The following NKAIN3 variants were observed in gnomAD, a reference collection of about 807,000 sequenced individuals.
NKAIN3 encodes sodium/potassium-transporting ATPase subunit beta-1-interacting protein 3.
In NKAIN3, 25 loss-of-function variants were observed where a neutral mutation model predicts 30.2. The observed-to-expected ratio is 0.83, with a 90% CI of 0.60 to 1.16. The LOEUF is 1.16. NKAIN3 is among the 50% of genes most tolerant of loss of function. The pLI is 0.00. For synonymous variants in NKAIN3, 91 were observed against 89.6 expected (o/e 1.02, Z -0.09); for missense variants, 225 against 254.1 (o/e 0.89, Z 0.78).
chr8:62,798,697 T>A (rs1237386232), intron 4 of NKAIN3, among the ~76,000 whole-genome samples: 1 of 152,232 alleles, frequency 6.6e-6, no homozygotes, highest in Non-Finnish European at 1.5e-5. Flanking sequence ...GATCTCAGAC[T>A]TCTGGCTTGC....
chr8:62,835,820 C>G (rs1819343496), intron 4 of NKAIN3, among the ~76,000 whole-genome samples: 2 of 152,062 alleles, frequency 1.3e-5, no homozygotes, highest in South Asian at 4.1e-4. Context: ...TTTGACCCAG[C>G]AATCCCATTA....
At chr8:62,955,778 A>G (rs554593721) in intron 6 of NKAIN3, among the ~76,000 whole-genome samples, 1 of 152,322 alleles carries the variant, frequency 6.6e-6, no homozygotes, top group East Asian at 1.9e-4. Flanking sequence ...CATCTCTGTG[A>G]ATCAAAAACA....
At chr8:62,609,861 G>A (rs181145303) in intron 3 of NKAIN3, among the ~76,000 whole-genome samples, 3 of 152,174 alleles carry the variant, frequency 2.0e-5, no homozygotes, top group Admixed American at 6.5e-5. Flanking sequence ...GAGGAGAGCC[G>A]AAGAAAGAGC....
At chr8:62,738,781 A>T (rs1012147644) in intron 3 of NKAIN3, among the ~76,000 whole-genome samples, 5 of 152,072 alleles carry the variant, frequency 3.3e-5, no homozygotes, top group African/African-American at 1.2e-4. Context: ...TAGGTTGCCT[A>T]TTCACTCTGT....
intron 1 of NKAIN3, among the ~76,000 whole-genome samples, chr8:62,331,849 A>G (rs953321508): frequency 1.3e-5 from 2 of 152,124 alleles, no homozygotes; most frequent in Non-Finnish European, 2.9e-5. Flanking sequence ...TAAAAAGATT[A>G]AAATTCTGTT....
At chr8:62,296,302 A>G (rs1585648043) in intron 1 of NKAIN3, among the ~76,000 whole-genome samples, 1 of 152,202 alleles carries the variant, frequency 6.6e-6, no homozygotes, top group South Asian at 2.1e-4. Flanking sequence ...TGAGGCAGTC[A>G]TGAGAACCAG....
Position 62,485,367 on chromosome 8 carries a change from C to A in NKAIN3, c.55-94172C>A, listed in dbSNP as rs191173161. 7.9e-5 allele frequency among the ~76,000 whole-genome samples: 12 copies of A among 152,170 alleles called. No homozygotes were observed. In the East Asian group the frequency reaches 1.7e-3, roughly 22 times the overall value. ...GTTTGATTATTTTTATTTGTTTTCACCACAATGAGTGGAAAAGAACATTTT... is the reference window on the plus strand; with the variant it reads ...GTTTGATTATTTTTATTTGTTTTCAACACAATGAGTGGAAAAGAACATTTT... On this transcript the variant is annotated intron_variant, in intron 1 of 6. Coordinates refer to ENST00000623646, the MANE Select transcript of NKAIN3 (RefSeq NM_001304533.3).
At chr8:62,812,833 A>G (rs1001134172) in intron 4 of NKAIN3, among the ~76,000 whole-genome samples, 1 of 151,882 alleles carries the variant, frequency 6.6e-6, no homozygotes, top group East Asian at 1.9e-4. Flanking sequence ...ATTGTTTCTT[A>G]GAGTTTTTGT....
intron 5 of NKAIN3, among the ~76,000 whole-genome samples, chr8:62,993,070 A>T (rs772608500): frequency 6.6e-6 from 1 of 152,060 alleles, no homozygotes; most frequent in African/African-American, 2.4e-5. Flanking sequence ...GCCTCTAGGT[A>T]CAAAAGAAAA....
chr8:62,457,683 G>GTACTT (rs1471677417), intron 1 of NKAIN3, among the ~76,000 whole-genome samples: 2 of 152,134 alleles, frequency 1.3e-5, no homozygotes, highest in East Asian at 3.8e-4. Flanking sequence ...AATATTGAAT[G>GTACTT]AAGTGTGATT....
intron 1 of NKAIN3, among the ~76,000 whole-genome samples, chr8:62,311,146 A>G (rs1814414186): frequency 6.6e-6 from 1 of 150,744 alleles, no homozygotes; most frequent in African/African-American, 2.5e-5. Flanking sequence ...TAAAAACAAA[A>G]AACAAAAAAA....
intron 3 of NKAIN3, among the ~76,000 whole-genome samples, chr8:62,692,280 C>T (rs1435958207): frequency 2.0e-5 from 3 of 152,088 alleles, no homozygotes; most frequent in Non-Finnish European, 4.4e-5. Context: ...AGATAAGGGT[C>T]CATTTTTATA....
At chr8:62,736,041 C>T (rs1363921610) in intron 3 of NKAIN3, among the ~76,000 whole-genome samples, 3 of 152,122 alleles carry the variant, frequency 2.0e-5, no homozygotes, top group African/African-American at 4.8e-5. Flanking sequence ...CCCTGGTGGA[C>T]GTAGCAAGGG....
intron 1 of NKAIN3, among the ~76,000 whole-genome samples, chr8:62,409,493 G>A (rs1343817922): frequency 1.3e-5 from 2 of 151,802 alleles, no homozygotes; most frequent in African/African-American, 4.8e-5. Context: ...ATATATTATC[G>A]GTTATACTCA....
At chr8:62,594,472 G>GATGAA (rs1376705649) in intron 3 of NKAIN3, among the ~76,000 whole-genome samples, 3 of 152,032 alleles carry the variant, frequency 2.0e-5, no homozygotes, top group Non-Finnish European at 2.9e-5. Context: ...CTCCTTTATA[G>GATGAA]ATCAAATCAA....
rs555883339 is a variant in NKAIN3 at position 62,320,081 on chromosome 8, A to G, written c.54+70954A>G. Among the ~76,000 whole-genome samples the G allele has an allele frequency of 8.8e-4, 134 of 152,240 alleles. 2 individuals carry two copies. The highest frequency in any genetic ancestry group is 1.8e-4 in the Non-Finnish European group (12 of 68,016). ...TTGTTGAATTGATCCCTTTACCATT[A>G]TGTAATGGCCTTCTTTGTCTCTTTT... On this transcript the variant is annotated intron_variant, in intron 1 of 6. Transcript: ENST00000623646.
At chr8:62,434,355 C>T (rs781187520) in intron 1 of NKAIN3, among the ~76,000 whole-genome samples, 8 of 152,146 alleles carry the variant, frequency 5.3e-5, no homozygotes, top group Middle Eastern at 3.2e-3. Flanking sequence ...AATCAGGGAA[C>T]AATTCCTGGA....
intron 4 of NKAIN3, among the ~76,000 whole-genome samples, chr8:62,867,378 A>C (rs2130795941): frequency 6.6e-6 from 1 of 152,322 alleles, no homozygotes. Flanking sequence ...TAAAGCCCTC[A>C]ACATAGTGCC....
chr8:62,714,389 T>G (rs1485564746), intron 3 of NKAIN3, among the ~76,000 whole-genome samples: 1 of 152,062 alleles, frequency 6.6e-6, no homozygotes, highest in Non-Finnish European at 1.5e-5. Flanking sequence ...TTGTATTTAT[T>G]TGATCTTTTA....
Sources: gnomAD v4.1 joint callset for allele counts (sites outside exome capture counted in the v4.1 genomes callset) on GRCh38, gnomAD v4.1.1 for gene constraint, MANE v1.5 for transcripts, NCBI Gene and HGNC (gene_info 2026-07-23, HGNC 2026-07-21) for gene names.